EDAR: variants seen among roughly 807,000 people sequenced by gnomAD.
EDAR encodes ectodysplasin A receptor.
Under a neutral mutation model 51.3 loss-of-function variants are expected in EDAR, and 38 were observed. That is an observed-to-expected ratio of 0.74 (90% CI 0.57 to 0.97). The LOEUF (loss-of-function observed/expected upper bound fraction) is 0.97. Among genes scored for constraint, EDAR ranks in the 50% least tolerant of loss-of-function variants. The pLI, the probability that EDAR is intolerant of heterozygous loss-of-function variation, is 0.00. For synonymous variants in EDAR, 227 were observed against 242.1 expected (o/e 0.94, Z 0.58); for missense variants, 528 against 595.0 (o/e 0.89, Z 1.17).
Position 108,907,910 on chromosome 2 carries a change from G to C in EDAR, c.913C>G (p.Leu305Val). Residue 305 changes from leucine to valine, a missense_variant, in exon 10 of 12, where the codon CTG (leucine) becomes GTG (valine). By Grantham distance (32) the Leu-to-Val change is conservative. Coordinates refer to ENST00000258443, the MANE Select transcript of EDAR (RefSeq NM_022336.4). ...QGSPELCLLS[L>V]VHLAREKSAT... is the part of the protein sequence containing the mutation. ...GACTTCTCCCTGGCCAGGTGAACCA[G>C]CGACAGCAGGCACAGCTCCGGGGAG... The C allele has an allele frequency of 6.2e-7, 1 of 1,613,698 alleles. No homozygotes were observed. Among genetic ancestry groups the C allele is most frequent in the South Asian group, 1.1e-5 (1 of 91,078 alleles).
Position 108,929,364 on chromosome 2 carries a change from T to G in EDAR, c.190A>C (p.Thr64Pro). Reference protein sequence around the residue: ...EEPYLSCGYGTKDEDYGCVPC... With the variant: ...EEPYLSCGYGPKDEDYGCVPC... ...ACGCAGCCGTAGTCCTCGTCTTTGG[T>G]GCCGTAGCCACAGGACTGTCCAGGG... Residue 64 changes from threonine (T) to proline (P), a missense_variant, in exon 4 of 12, where the codon ACC becomes CCC. Physicochemically the swap from Thr to Pro is conservative, Grantham distance 38. Transcript: ENST00000258443. 6.2e-7 allele frequency: 1 copy of G among 1,614,080 alleles called. No individual in the cohort carries two copies. The highest frequency in any genetic ancestry group is 8.5e-7 in the Non-Finnish European group (1 of 1,180,024).
At chr2:108,933,040 C>G (rs1697401232) in intron 1 of EDAR, among the ~76,000 whole-genome samples, 1 of 152,186 alleles carries the variant, frequency 6.6e-6, no homozygotes, top group Non-Finnish European at 1.5e-5. Context: ...GCTTGTTTAT[C>G]ATTGCAACAA....
At chr2:108,948,182 A>G (rs559902217) in intron 1 of EDAR, among the ~76,000 whole-genome samples, 2 of 152,342 alleles carry the variant, frequency 1.3e-5, no homozygotes, top group East Asian at 1.9e-4. Context: ...GCATAGCAAG[A>G]GTGACCTTTG....
chr2:108,923,376 G>T lies in EDAR; in HGVS notation c.434C>A (p.Thr145Asn), dbSNP rs1194315591. ...CYSCLLAPPN[T>N]KECVGATSGA... is the part of the protein sequence containing the mutation. ...AGGACAAAGACACTCACATTCCTTG[G>T]TGTTGGGGGGTGCCAGGAGGCAGGA... Residue 145 changes from threonine (T) to asparagine (N), a missense_variant, in exon 5 of 12, where the codon ACC becomes AAC. Physicochemically the swap from Thr to Asn is moderately conservative, Grantham distance 65. Coordinates refer to ENST00000258443, the MANE Select transcript of EDAR (RefSeq NM_022336.4). 6.2e-7 allele frequency: 1 copy of T among 1,614,146 alleles called. No individual in the cohort carries two copies. Among genetic ancestry groups the T allele is most frequent in the Non-Finnish European group, 8.5e-7 (1 of 1,179,984 alleles).
chr2:108,982,064 C>G (rs570529779), intron 1 of EDAR, among the ~76,000 whole-genome samples: 244 of 152,340 alleles, frequency 1.6e-3, no homozygotes, highest in African/African-American at 5.5e-3. Context: ...GGCTCAGTAA[C>G]AGCACCATGC....
intron 1 of EDAR, among the ~76,000 whole-genome samples, chr2:108,958,491 G>T (rs1574404856): frequency 6.6e-6 from 1 of 152,098 alleles, no homozygotes; most frequent in African/African-American, 2.4e-5. Context: ...TCACAAGGGT[G>T]CGTTTGTTCA....
intron 1 of EDAR, among the ~76,000 whole-genome samples, chr2:108,972,294 C>G (rs1449423661): frequency 6.6e-6 from 1 of 152,258 alleles, no homozygotes; most frequent in African/African-American, 2.4e-5. Flanking sequence ...ACTTCAATAG[C>G]CATGCCGGCC....
chr2:108,965,827 C>T (rs187515526), intron 1 of EDAR, among the ~76,000 whole-genome samples: 23 of 152,100 alleles, frequency 1.5e-4, no homozygotes, highest in Admixed American at 7.2e-4. Context: ...AGCACCCTCT[C>T]CTCCCCTCCT....
intron 1 of EDAR, among the ~76,000 whole-genome samples, chr2:108,971,626 G>A (rs1191929818): frequency 2.0e-5 from 3 of 152,180 alleles, no homozygotes; most frequent in Non-Finnish European, 4.4e-5. Flanking sequence ...ATTAGAGATA[G>A]GATCAGCTCT....
At chr2:108,960,894 C>G (rs1698025677) in intron 1 of EDAR, among the ~76,000 whole-genome samples, 1 of 152,126 alleles carries the variant, frequency 6.6e-6, no homozygotes, top group Admixed American at 6.5e-5. Context: ...GTGGATGTAC[C>G]AAGAGTATCC....
intron 5 of EDAR, among the ~76,000 whole-genome samples, chr2:108,922,961 C>A (rs575659244): frequency 6.6e-6 from 1 of 152,322 alleles, no homozygotes; most frequent in East Asian, 1.9e-4. Context: ...TTTATATTTT[C>A]CTTGGCCTCA....
intron 11 of EDAR, among the ~76,000 whole-genome samples, chr2:108,904,671 T>G (rs1350808643): frequency 1.3e-5 from 2 of 152,234 alleles, no homozygotes; most frequent in African/African-American, 4.8e-5. Flanking sequence ...ACAACCTGGA[T>G]GGACCTCCAG....
chr2:108,937,634 ATGTT>A (rs1697500778), intron 1 of EDAR, among the ~76,000 whole-genome samples: 1 of 150,930 alleles, frequency 6.6e-6, no homozygotes, highest in Non-Finnish European at 1.5e-5. Context: ...CTGTATGTTT[ATGTT>A]TGTGTGTGTA....
rs1008865771 is a variant in EDAR, at chr2:108,971,948, C to T, written c.-19+17012G>A. ...CTGCTGCTCAGTCACATAGGGGCAA[C>T]AGAGGAGCAGCCGTGGGGAGCTCCC... On this transcript the variant is annotated intron_variant, in intron 1 of 11. Coordinates refer to ENST00000258443, the MANE Select transcript of EDAR (RefSeq NM_022336.4). Among the ~76,000 whole-genome samples the T allele has an allele frequency of 5.3e-5, 8 of 152,330 alleles. 1 individual carries two copies. In the South Asian group the frequency reaches 1.4e-3, roughly 28 times the overall value.
chr2:108,982,761 C>T lies in EDAR; in HGVS notation c.-19+6199G>A, dbSNP rs921132364. Among the ~76,000 whole-genome samples the T allele has an allele frequency of 6.6e-5, 10 of 152,098 alleles. No homozygotes were observed. In the East Asian group the frequency reaches 1.2e-3, roughly 18 times the overall value. Reference sequence around the variant, plus strand: ...AGAATTGACTCAAAACCGAGTGTCCCGAGTCACCTAAGTCTCCTTGCTTTG... The same window carrying T: ...AGAATTGACTCAAAACCGAGTGTCCTGAGTCACCTAAGTCTCCTTGCTTTG... On this transcript the variant is annotated intron_variant, in intron 1 of 11. Coordinates refer to ENST00000258443, the MANE Select transcript of EDAR (RefSeq NM_022336.4).
At chr2:108,947,850 T>C (rs1697744185) in intron 1 of EDAR, among the ~76,000 whole-genome samples, 1 of 152,230 alleles carries the variant, frequency 6.6e-6, no homozygotes, top group Admixed American at 6.5e-5. Context: ...ACTATTAACA[T>C]TCAACTCCTT....
Position 108,912,768 on chromosome 2 carries a change from C to T in EDAR, c.443-4G>A, listed in dbSNP as rs1456062257. 2 of 1,586,078 alleles carry T rather than the reference C, an allele frequency of 1.3e-6. No individual in the cohort carries two copies. The highest frequency in any genetic ancestry group is 1.3e-5 in the African/African-American group (1 of 74,474). ...GCTCCTGAAGTGGCTCCCACACCTG[C>T]AAGGAAAATAGAGTCCCTCAAATGA... is the stretch of plus-strand genomic sequence containing the variant. On this transcript the variant is annotated splice_polypyrimidine_tract_variant and splice_region_variant and intron_variant, in intron 5 of 11. Transcript: ENST00000258443.
At chr2:108,966,517 T>A (rs1190894404) in intron 1 of EDAR, among the ~76,000 whole-genome samples, 1 of 152,230 alleles carries the variant, frequency 6.6e-6, no homozygotes, top group Non-Finnish European at 1.5e-5. Context: ...GTCTCAGCCA[T>A]ACCCTGTGCT....
chr2:108,928,635 T>C (rs762332918), intron 4 of EDAR, among the ~76,000 whole-genome samples: 1 of 152,186 alleles, frequency 6.6e-6, no homozygotes, highest in Non-Finnish European at 1.5e-5. Context: ...TTCTGGGGAT[T>C]GAGAGTCTGT....
Sources: gnomAD v4.1 joint callset for allele counts (sites outside exome capture counted in the v4.1 genomes callset) on GRCh38, gnomAD v4.1.1 for gene constraint, MANE v1.5 for transcripts, NCBI Gene and HGNC (gene_info 2026-07-23, HGNC 2026-07-21) for gene names.